The following CSMD1 variants were observed in gnomAD, a reference collection of about 807,000 sequenced individuals.
The protein encoded by CSMD1 is CUB and Sushi multiple domains 1, also known as CUB and sushi domain-containing protein 1.
CSMD1 carries 213 observed loss-of-function variants against 417.5 expected under a neutral mutation model. That is an observed-to-expected ratio of 0.51 (90% CI 0.46 to 0.57). The LOEUF (loss-of-function observed/expected upper bound fraction) is 0.57. CSMD1 is among the 20% of genes least tolerant of loss of function. The pLI, the probability that CSMD1 is intolerant of heterozygous loss-of-function variation, is 0.00. For synonymous variants in CSMD1, 2,862 were observed against 1,736.8 expected (o/e 1.65, Z -16.11); for missense variants, 6,923 against 4,529.7 (o/e 1.53, Z -15.17).
At chr8:3,451,382 T>C (rs1196191830) in intron 12 of CSMD1, among the ~76,000 whole-genome samples, 1 of 152,198 alleles carries the variant, frequency 6.6e-6, no homozygotes, top group East Asian at 1.9e-4. Context: ...AGACATGAAG[T>C]CCTTGCCCAT....
At chr8:3,909,070 T>C (rs1339462851) in intron 5 of CSMD1, among the ~76,000 whole-genome samples, 1 of 152,164 alleles carries the variant, frequency 6.6e-6, no homozygotes, top group African/African-American at 2.4e-5. Flanking sequence ...AGAAGGCCTT[T>C]GGAGAATTCT....
chr8:3,876,588 C>A (rs1805839228), intron 5 of CSMD1, among the ~76,000 whole-genome samples: 1 of 152,086 alleles, frequency 6.6e-6, no homozygotes, highest in Non-Finnish European at 1.5e-5. Context: ...GGCTTTTTAT[C>A]ATGCTTCATG....
chr8:3,746,632 CAT>C (rs1475386584), intron 6 of CSMD1, among the ~76,000 whole-genome samples: 1 of 152,100 alleles, frequency 6.6e-6, no homozygotes, highest in Non-Finnish European at 1.5e-5. Flanking sequence ...AATAATATTT[CAT>C]ATCTTTCTTA....
chr8:3,647,912 C>T (rs1037163516), intron 7 of CSMD1, among the ~76,000 whole-genome samples: 1 of 152,222 alleles, frequency 6.6e-6, no homozygotes, highest in Non-Finnish European at 1.5e-5. Context: ...AAACAAATTA[C>T]TCTGTTTGTT....
At position 3,313,864 on chromosome 8, in the gene CSMD1, C is replaced by G. The variant is rs562632145; in HGVS notation, c.3632-5361G>C. Reference sequence around the variant, plus strand: ...TATTCACAATAGCAAAGATTTGGAACCAACCCAAATGTCCAACAATGATAG... The same window carrying G: ...TATTCACAATAGCAAAGATTTGGAAGCAACCCAAATGTCCAACAATGATAG... On this transcript the variant is annotated intron_variant, in intron 23 of 69. Transcript: ENST00000635120. Among the ~76,000 whole-genome samples, 6 of 152,278 alleles carry G rather than the reference C, an allele frequency of 3.9e-5. No individual in the cohort carries two copies. In the South Asian group the frequency reaches 1.0e-3, roughly 26 times the overall value.
At chr8:4,215,533 G>T (rs537678311) in intron 3 of CSMD1, among the ~76,000 whole-genome samples, 20 of 151,432 alleles carry the variant, frequency 1.3e-4, no homozygotes, top group Middle Eastern at 3.4e-3. Context: ...CCAGAGACCA[G>T]GATCCTTTAC....
intron 12 of CSMD1, among the ~76,000 whole-genome samples, chr8:3,419,770 G>A (rs935929893): frequency 6.6e-6 from 1 of 152,138 alleles, no homozygotes; most frequent in Non-Finnish European, 1.5e-5. Flanking sequence ...TTCATTAAAA[G>A]AAATAATCTT....
At chr8:4,123,805 A>C (rs1217014639) in intron 3 of CSMD1, among the ~76,000 whole-genome samples, 1 of 152,188 alleles carries the variant, frequency 6.6e-6, no homozygotes. Context: ...AAAATATAAT[A>C]GAGAACTAAG....
At chr8:4,921,595 C>T (rs1465137998) in intron 1 of CSMD1, among the ~76,000 whole-genome samples, 1 of 152,054 alleles carries the variant, frequency 6.6e-6, no homozygotes, top group Admixed American at 6.6e-5. Flanking sequence ...TGCATATTTT[C>T]CAAAATACCT....
chr8:4,226,877 A>G (rs1014290444), intron 3 of CSMD1, among the ~76,000 whole-genome samples: 1 of 152,230 alleles, frequency 6.6e-6, no homozygotes, highest in East Asian at 1.9e-4. Flanking sequence ...TGGGAATAAG[A>G]AATACATATT....
intron 15 of CSMD1, among the ~76,000 whole-genome samples, chr8:3,404,777 C>T (rs1812246090): frequency 7.3e-6 from 1 of 136,400 alleles, no homozygotes; most frequent in South Asian, 2.4e-4. Context: ...ACACATGTGC[C>T]TGCATCCTCT....
chr8:3,410,795 G>C (rs1336083059), intron 12 of CSMD1, among the ~76,000 whole-genome samples: 1 of 152,144 alleles, frequency 6.6e-6, no homozygotes. Context: ...CCGGAGTGCA[G>C]TGATGTGATC....
chr8:3,532,561 C>T (rs1798026869), intron 10 of CSMD1, among the ~76,000 whole-genome samples: 2 of 152,098 alleles, frequency 1.3e-5, no homozygotes, highest in African/African-American at 4.8e-5. Flanking sequence ...GACGTAGGTT[C>T]AACACAGGAT....
chr8:3,678,643 C>T (rs1209468870), intron 7 of CSMD1, among the ~76,000 whole-genome samples: 1 of 152,134 alleles, frequency 6.6e-6, no homozygotes, highest in African/African-American at 2.4e-5. Flanking sequence ...ACTTCCCCAA[C>T]CTAGCAAGGC....
intron 3 of CSMD1, among the ~76,000 whole-genome samples, chr8:4,139,776 T>G (rs139453902): frequency 6.6e-6 from 1 of 151,078 alleles, no homozygotes. Flanking sequence ...CTTAGATGTT[T>G]GCACACTGAG....
intron 3 of CSMD1, among the ~76,000 whole-genome samples, chr8:4,311,726 A>C (rs1798587587): frequency 6.6e-6 from 1 of 150,736 alleles, no homozygotes; most frequent in African/African-American, 2.4e-5. Flanking sequence ...CAGTCTCAAA[A>C]AAAAAAAAAA....
chr8:3,147,055 A>G (rs1398441835), intron 40 of CSMD1, among the ~76,000 whole-genome samples: 2 of 148,916 alleles, frequency 1.3e-5, no homozygotes, highest in Non-Finnish European at 3.0e-5. Flanking sequence ...TATTACTCAG[A>G]GTAACTGGAG....
At chr8:4,795,680 C>A (rs1797942690) in intron 1 of CSMD1, among the ~76,000 whole-genome samples, 1 of 152,054 alleles carries the variant, frequency 6.6e-6, no homozygotes, top group South Asian at 2.1e-4. Flanking sequence ...AAATAATTAT[C>A]TTCTGTGAAC....
Position 3,562,086 on chromosome 8 carries a change from T to A in CSMD1, c.1344+12859A>T, listed in dbSNP as rs144349987. Among the ~76,000 whole-genome samples the A allele has an allele frequency of 2.8e-3, 431 of 152,024 alleles. 1 individual carries two copies. Among genetic ancestry groups the A allele is most frequent in the African/African-American group, 0.01 (415 of 41,430 alleles). ...AGGTTTAGAGTAAAAATTCGGTACCTTCTTACAGATGAACATAACCATATG... is the reference window on the plus strand; with the variant it reads ...AGGTTTAGAGTAAAAATTCGGTACCATCTTACAGATGAACATAACCATATG... On this transcript the variant is annotated intron_variant, in intron 10 of 69. Transcript: ENST00000635120.
Sources: gnomAD v4.1 joint callset for allele counts (sites outside exome capture counted in the v4.1 genomes callset) on GRCh38, gnomAD v4.1.1 for gene constraint, MANE v1.5 for transcripts, NCBI Gene and HGNC (gene_info 2026-07-23, HGNC 2026-07-21) for gene names.